The following GALNT17 variants were observed in gnomAD, a reference collection of about 807,000 sequenced individuals.
The protein encoded by GALNT17 is polypeptide N-acetylgalactosaminyltransferase 17.
GALNT17 carries 29 observed loss-of-function variants against 63.7 expected under a neutral mutation model. The ratio of observed to expected loss-of-function variants is 0.46; its 90% confidence interval spans 0.34 to 0.62. The LOEUF (loss-of-function observed/expected upper bound fraction) is 0.62. GALNT17 is among the 20% of genes least tolerant of loss of function. The pLI is 0.01. For missense variants in GALNT17, 603 were observed against 799.6 expected (o/e 0.75, Z 2.97); for synonymous variants, 305 against 318.3 (o/e 0.96, Z 0.45).
At chr7:71,657,853 G>A (rs1790850880) in intron 6 of GALNT17, among the ~76,000 whole-genome samples, 1 of 5,154 alleles carries the variant, frequency 1.9e-4, no homozygotes, top group Admixed American at 2.3e-3. Context: ...TCATTTTATG[G>A]ATGGATGGAT....
chr7:71,326,481 A>C lies in GALNT17; in HGVS notation c.239-9069A>C, dbSNP rs536067192. On this transcript the variant is annotated intron_variant, in intron 1 of 10. Transcript: ENST00000333538. Reference sequence around the variant, plus strand: ...ACTCGAAAGAAAGAAAGCAAGAAAGAGAGAGAGAGAGGATCTCCTAACAAT... The same window carrying C: ...ACTCGAAAGAAAGAAAGCAAGAAAGCGAGAGAGAGAGGATCTCCTAACAAT... 7.4e-5 allele frequency among the ~76,000 whole-genome samples: 11 copies of C among 147,672 alleles called. No homozygotes were observed. The East Asian group carries it at 2.1e-3, about 29-fold the overall frequency.
chr7:71,441,601 G>A (rs1787068107), intron 5 of GALNT17, among the ~76,000 whole-genome samples: 1 of 152,070 alleles, frequency 6.6e-6, no homozygotes, highest in Non-Finnish European at 1.5e-5. Flanking sequence ...AGCCCTGCAT[G>A]CATTAGGTAT....
intron 9 of GALNT17, among the ~76,000 whole-genome samples, chr7:71,678,973 A>AT (rs1171969691): frequency 1.3e-5 from 2 of 151,522 alleles, no homozygotes; most frequent in Non-Finnish European, 2.9e-5. Context: ...AAAAAAAAAA[A>AT]AGTCAAATGC....
At chr7:71,134,188 A>AT (rs1787739861) in intron 1 of GALNT17, among the ~76,000 whole-genome samples, 1 of 152,200 alleles carries the variant, frequency 6.6e-6, no homozygotes. Context: ...AATCGGAATA[A>AT]TAATAGAGTC....
chr7:71,624,819 C>T (rs1445783264), intron 6 of GALNT17, among the ~76,000 whole-genome samples: 1 of 152,190 alleles, frequency 6.6e-6, no homozygotes, highest in East Asian at 1.9e-4. Flanking sequence ...AGAAGGAGGA[C>T]GGCATTGTTT....
At chr7:71,372,088 T>C (rs1468195377) in intron 2 of GALNT17, among the ~76,000 whole-genome samples, 1 of 152,196 alleles carries the variant, frequency 6.6e-6, no homozygotes, top group African/African-American at 2.4e-5. Flanking sequence ...TCAAGTGATC[T>C]TCCCGCGGCA....
At chr7:71,307,450 C>G (rs1490232090) in intron 1 of GALNT17, among the ~76,000 whole-genome samples, 1 of 151,942 alleles carries the variant, frequency 6.6e-6, no homozygotes, top group Non-Finnish European at 1.5e-5. Context: ...GACCCACTTT[C>G]TGCCATGAGA....
chr7:71,666,703 C>CA (rs896543923), intron 7 of GALNT17, among the ~76,000 whole-genome samples: 12 of 152,150 alleles, frequency 7.9e-5, no homozygotes, highest in Non-Finnish European at 1.3e-4. Flanking sequence ...CAGGTCGTTG[C>CA]AAATACTGTT....
chr7:71,151,670 G>A (rs1788137508), intron 1 of GALNT17, among the ~76,000 whole-genome samples: 1 of 151,540 alleles, frequency 6.6e-6, no homozygotes, highest in African/African-American at 2.4e-5. Context: ...GTTTCTCAGT[G>A]TTACTAGTAC....
At position 71,369,550 on chromosome 7, in the gene GALNT17, C is replaced by T. The variant is rs555310129; in HGVS notation, c.423-18685C>T. 9.9e-5 allele frequency among the ~76,000 whole-genome samples: 15 copies of T among 152,220 alleles called. No individual in the cohort carries two copies. The East Asian group carries it at 1.7e-3, about 18-fold the overall frequency. On this transcript the variant is annotated intron_variant, in intron 2 of 10. Coordinates refer to ENST00000333538, the MANE Select transcript of GALNT17 (RefSeq NM_022479.3). ...ACTATGTGCCAGGCGTGGTGGCTCA[C>T]GCCTGTAATCCCAGCACTTTGGGAG...
In GALNT17 at chr7:71,270,538, CAAAA is replaced by C. The variant is rs573250852; in HGVS notation, c.239-64992_239-64989del. Reference sequence around the variant, plus strand: ...AGACTACGTACCCTCCCCACCCCACCAAAAAAAAAAAAAAAAAAAAAAAGAAACG... The same window carrying C: ...AGACTACGTACCCTCCCCACCCCACCAAAAAAAAAAAAAAAAAAAGAAACG... On this transcript the variant is annotated intron_variant, in intron 1 of 10. Transcript: ENST00000333538. Among the ~76,000 whole-genome samples the C allele has an allele frequency of 8.0e-4, 71 of 89,176 alleles. 1 individual carries two copies. The highest frequency in any genetic ancestry group is 7.9e-4 in the African/African-American group (17 of 21,614). The allele number at this position is 89,176 out of a possible 152,430, so 58.5% of individuals were successfully genotyped here. A position where few individuals can be genotyped will look rare whatever the true frequency, so the allele number is the denominator to read the frequency against.
intron 9 of GALNT17, among the ~76,000 whole-genome samples, chr7:71,708,563 A>T (rs1007944100): frequency 6.6e-6 from 1 of 152,160 alleles, no homozygotes; most frequent in African/African-American, 2.4e-5. Context: ...GATTCTTTTT[A>T]ATTTCTATTT....
intron 1 of GALNT17, among the ~76,000 whole-genome samples, chr7:71,168,302 G>A (rs886177444): frequency 6.6e-6 from 1 of 152,096 alleles, no homozygotes; most frequent in Admixed American, 6.6e-5. Context: ...GGCCGGGCGC[G>A]GTGGCTCATG....
chr7:71,592,719 G>C (rs574414390), intron 6 of GALNT17, among the ~76,000 whole-genome samples: 7 of 152,154 alleles, frequency 4.6e-5, no homozygotes, highest in Non-Finnish European at 8.8e-5. Context: ...CAGTCTGGAT[G>C]GTTTCTGCTG....
At position 71,625,751 on chromosome 7, in the gene GALNT17, T is replaced by A. The variant is rs1790364795; in HGVS notation, c.1081-39660T>A. On this transcript the variant is annotated intron_variant, in intron 6 of 10. Coordinates refer to ENST00000333538, the MANE Select transcript of GALNT17 (RefSeq NM_022479.3). ...AAAGCGCTGACAGTCTGTGTTTCTC[T>A]GAGACTTAAACTGGAGAGACCAGAT... 2.0e-5 allele frequency among the ~76,000 whole-genome samples: 3 copies of A among 152,168 alleles called. No homozygotes were observed. In the South Asian group the frequency reaches 6.2e-4, roughly 32 times the overall value.
At chr7:71,169,249 A>G (rs565653967) in intron 1 of GALNT17, among the ~76,000 whole-genome samples, 1 of 152,146 alleles carries the variant, frequency 6.6e-6, no homozygotes, top group East Asian at 1.9e-4. Flanking sequence ...TCTCCTTGCA[A>G]TCCTCATCTC....
At chr7:71,672,482 C>T (rs2117059013) in intron 8 of GALNT17, among the ~76,000 whole-genome samples, 1 of 152,268 alleles carries the variant, frequency 6.6e-6, no homozygotes, top group Admixed American at 6.5e-5. Flanking sequence ...AGAAATAATA[C>T]ACCAAACTGA....
intron 7 of GALNT17, among the ~76,000 whole-genome samples, chr7:71,667,443 A>G (rs1007010037): frequency 1.3e-5 from 2 of 152,146 alleles, no homozygotes; most frequent in African/African-American, 4.8e-5. Context: ...GTTATTTGTA[A>G]TATCTTATTT....
chr7:71,607,283 A>G (rs1019872049), intron 6 of GALNT17, among the ~76,000 whole-genome samples: 3 of 152,248 alleles, frequency 2.0e-5, no homozygotes, highest in Admixed American at 2.0e-4. Flanking sequence ...TCATCAGTTC[A>G]CTAAAGAATT....
Sources: allele counts gnomAD v4.1 joint callset (sites outside exome capture counted in the v4.1 genomes callset), GRCh38; gene constraint gnomAD v4.1.1; transcripts MANE v1.5; gene names NCBI Gene and HGNC (gene_info 2026-07-23, HGNC 2026-07-21).